The following PGAP1 variants were observed in gnomAD, a reference collection of about 807,000 sequenced individuals.
PGAP1 encodes GPI inositol-deacylase.
Under a neutral mutation model 127.0 loss-of-function variants are expected in PGAP1, and 76 were observed. The ratio of observed to expected loss-of-function variants is 0.60; its 90% CI spans 0.50 to 0.72. The LOEUF (loss-of-function observed/expected upper bound fraction) is 0.72, where lower values mean the gene tolerates loss of function less well. PGAP1 is among the 30% of genes least tolerant of loss of function. The pLI is 0.00. For missense variants in PGAP1, 982 were observed against 1,071.3 expected (o/e 0.92, Z 1.16); for synonymous variants, 362 against 366.5 (o/e 0.99, Z 0.14).
chr2:196,858,633 G>A (rs1484659138), intron 20 of PGAP1, among the ~76,000 whole-genome samples: 1 of 151,070 alleles, frequency 6.6e-6, no homozygotes, highest in African/African-American at 2.4e-5. Flanking sequence ...AGAAAAGCAA[G>A]AACAAATGAA....
intron 13 of PGAP1, among the ~76,000 whole-genome samples, chr2:196,878,166 T>C (rs1158892993): frequency 1.3e-5 from 2 of 152,100 alleles, no homozygotes; most frequent in Non-Finnish European, 2.9e-5. Flanking sequence ...AAGCTGAGGA[T>C]CCCTCATCCA....
In PGAP1 at chr2:196,912,976, T is replaced by C. The variant is rs754123082; in HGVS notation, c.555A>G (p.Thr185=). 6 of 1,613,926 alleles carry C rather than the reference T, an allele frequency of 3.7e-6. No individual in the cohort carries two copies. Among genetic ancestry groups the C allele is most frequent in the Non-Finnish European group, 4.2e-6 (5 of 1,179,922 alleles). ...TCAGATCATGCTTAAAATTTTTCAG[T>C]GTAAGCAATGCTCTTGCAACAAGGC... ...MGGLVARALL[T]LKNFKHDLIN... Residue 185 remains threonine, a synonymous_variant, in exon 4 of 27, where the codon ACA becomes ACG. Coordinates refer to ENST00000354764, the MANE Select transcript of PGAP1 (RefSeq NM_024989.4).
At chr2:196,898,856 A>G (rs1221216448) in intron 5 of PGAP1, among the ~76,000 whole-genome samples, 5 of 152,126 alleles carry the variant, frequency 3.3e-5, no homozygotes, top group Non-Finnish European at 5.9e-5. Context: ...TTCAAACCAA[A>G]TATGCCTAAT....
At chr2:196,889,061 T>C (rs544867499) in intron 10 of PGAP1, among the ~76,000 whole-genome samples, 20 of 152,330 alleles carry the variant, frequency 1.3e-4, no homozygotes, top group South Asian at 8.3e-4. Context: ...TTTTTTAAAA[T>C]TCACATGAGT....
intron 1 of PGAP1, among the ~76,000 whole-genome samples, chr2:196,925,640 G>C (rs1703333390): frequency 6.6e-6 from 1 of 152,248 alleles, no homozygotes; most frequent in East Asian, 1.9e-4. Flanking sequence ...GCATGGAAGC[G>C]GTAGGGGTGG....
intron 20 of PGAP1, among the ~76,000 whole-genome samples, chr2:196,854,532 T>G (rs1404617510): frequency 6.6e-6 from 1 of 152,194 alleles, no homozygotes; most frequent in Non-Finnish European, 1.5e-5. Flanking sequence ...TACATAAAAT[T>G]GATAAAAGTC....
intron 23 of PGAP1, among the ~76,000 whole-genome samples, chr2:196,845,396 G>A (rs140580239): frequency 1.3e-3 from 191 of 148,556 alleles, no homozygotes; most frequent in African/African-American, 3.7e-3. Flanking sequence ...TATCAGACAC[G>A]TTTTTCACTT....
chr2:196,886,708 T>C (rs1269985214), intron 10 of PGAP1, among the ~76,000 whole-genome samples: 1 of 150,996 alleles, frequency 6.6e-6, no homozygotes, highest in African/African-American at 2.4e-5. Flanking sequence ...AATAAGTCCC[T>C]TTTTTTTTGA....
intron 3 of PGAP1, among the ~76,000 whole-genome samples, chr2:196,914,263 C>T (rs1702928733): frequency 1.3e-5 from 2 of 152,098 alleles, no homozygotes; most frequent in Non-Finnish European, 2.9e-5. Flanking sequence ...ATAAAAATAA[C>T]TCCCTTTTAA....
At position 196,848,037 on chromosome 2, in the gene PGAP1, C is replaced by A; in HGVS notation, c.1862G>T (p.Gly621Val). The A allele has an allele frequency of 6.3e-7, 1 of 1,588,910 alleles. No homozygotes were observed. Reference protein sequence around the residue: ...RGQLYSLFSTGCCLEYATMLD... With the variant: ...RGQLYSLFSTVCCLEYATMLD... ...CATGGTAGCATATTCTAAGCAACAA[C>A]CTGGTGATTTAAAAAAAGTTACATG... The change falls in exon 21 of 27, where the codon GGT (glycine) becomes GTT (valine). Residue 621 changes from glycine to valine, a missense_variant and splice_region_variant. Gly to Val is a moderately radical substitution (Grantham distance 109). Coordinates refer to ENST00000354764, the MANE Select transcript of PGAP1 (RefSeq NM_024989.4).
chr2:196,878,533 C>G (rs1701633326), intron 13 of PGAP1, among the ~76,000 whole-genome samples: 2 of 152,126 alleles, frequency 1.3e-5, no homozygotes, highest in East Asian at 1.9e-4. Flanking sequence ...ATTAAGGGTG[C>G]TCAGTCTGTA....
intron 21 of PGAP1, chr2:196,847,594 A>G (rs999414379): frequency 5.1e-6 from 1 of 195,262 alleles, no homozygotes; most frequent in Non-Finnish European, 1.0e-5. Flanking sequence ...GAGGTCTAAA[A>G]TATACTTTTA....
At position 196,837,955 on chromosome 2, in the gene PGAP1, A is replaced by G. The variant is rs1576071516; in HGVS notation, c.*3279T>C. 6.6e-6 allele frequency: 1 copy of G among 152,332 alleles called. No individual in the cohort carries two copies. The highest frequency in any genetic ancestry group is 1.9e-4 in the East Asian group (1 of 5,190). The allele number at this position is 152,332 out of a possible 1,614,324, so 9.4% of individuals were successfully genotyped here. A position where few individuals can be genotyped will look rare whatever the true frequency, so the allele number is the denominator to read the frequency against. ...AACCAGGCACAGATGGCTTTTCTAG[A>G]GTCATCACTTTAAATATTTTCATTC... On this transcript the variant is annotated 3_prime_UTR_variant, in exon 27 of 27. Coordinates refer to ENST00000354764, the MANE Select transcript of PGAP1 (RefSeq NM_024989.4).
At position 196,923,268 on chromosome 2, in the gene PGAP1, G is replaced by A. The variant is rs574973040; in HGVS notation, c.148-3118C>T. Among the ~76,000 whole-genome samples the A allele has an allele frequency of 3.3e-5, 5 of 152,114 alleles. No individual in the cohort carries two copies. The East Asian group carries it at 5.8e-4, about 18-fold the overall frequency. ...TACTGTTCATGCAATGTGTCCCAGCGCATTACCACCTTCACATATACTATT... is the reference window on the plus strand; with the variant it reads ...TACTGTTCATGCAATGTGTCCCAGCACATTACCACCTTCACATATACTATT... On this transcript the variant is annotated intron_variant, in intron 1 of 26. Transcript: ENST00000354764.
At position 196,847,992 on chromosome 2, in the gene PGAP1, G is replaced by A. The variant is rs755842427; in HGVS notation, c.1907C>T (p.Pro636Leu). 6.2e-7 allele frequency: 1 copy of A among 1,601,142 alleles called. No individual in the cohort carries two copies. Among genetic ancestry groups the A allele is most frequent in the Non-Finnish European group, 8.5e-7 (1 of 1,175,314 alleles). The change falls in exon 21 of 27, where the codon CCA becomes CTA. Residue 636 changes from proline (P) to leucine (L), a missense_variant. Transcript: ENST00000354764. The part of the protein sequence containing the change: ...YATMLDKEAK[P>L]YKVDPFVIII... ...AATTACAAAAGGATCAACTTTGTAT[G>A]GTTTGGCTTCTTTATCCAACATGGT...
At chr2:196,867,940 C>T (rs1475314774) in intron 19 of PGAP1, among the ~76,000 whole-genome samples, 1 of 152,118 alleles carries the variant, frequency 6.6e-6, no homozygotes, top group African/African-American at 2.4e-5. Flanking sequence ...AGGGAAAAGA[C>T]CATTTTGCTA....
At chr2:196,878,213 A>G (rs1274193807) in intron 13 of PGAP1, among the ~76,000 whole-genome samples, 1 of 152,044 alleles carries the variant, frequency 6.6e-6, no homozygotes, top group Non-Finnish European at 1.5e-5. Flanking sequence ...TTTTTTTCAG[A>G]TTTTGGAATA....
intron 19 of PGAP1, among the ~76,000 whole-genome samples, chr2:196,866,159 G>A (rs1701234260): frequency 6.6e-6 from 1 of 152,146 alleles, no homozygotes; most frequent in South Asian, 2.1e-4. Flanking sequence ...AGCCAGCATA[G>A]CCAAGACAAT....
rs527702683 is a variant in PGAP1 at position 196,914,618 on chromosome 2, TCAAACAAAACAAAA to T, written c.478-1579_478-1566del. Among the ~76,000 whole-genome samples, 343 of 101,870 alleles carry T rather than the reference TCAAACAAAACAAAA, an allele frequency of 3.4e-3. 2 individuals carry two copies. Among genetic ancestry groups the T allele is most frequent in the African/African-American group, 0.012 (326 of 26,530 alleles). The allele number at this position is 101,870 out of a possible 152,430, so 66.8% of individuals were successfully genotyped here. ...CCTGGTGACAGAGTGAGACCCTGTC[TCAAACAAAACAAAA>T]CAAAACAAAACAAAACAAAACAAAA... On this transcript the variant is annotated intron_variant, in intron 3 of 26. Coordinates refer to ENST00000354764, the MANE Select transcript of PGAP1 (RefSeq NM_024989.4).
Sources: allele counts gnomAD v4.1 joint callset (sites outside exome capture counted in the v4.1 genomes callset), GRCh38; gene constraint gnomAD v4.1.1; transcripts MANE v1.5; gene names NCBI Gene and HGNC (gene_info 2026-07-23, HGNC 2026-07-21).